The following NOTCH1 variants were observed in gnomAD, a reference collection of about 807,000 sequenced individuals.
NOTCH1 encodes the protein notch receptor 1.
A neutral mutation model predicts 254.8 loss-of-function variants in NOTCH1; 37 were observed. The observed-to-expected ratio is 0.15, with a 90% CI of 0.11 to 0.19. NOTCH1 has a LOEUF of 0.19. Ranked by LOEUF, NOTCH1 falls within the 10% of genes least tolerant of loss-of-function variation. The pLI, the probability that NOTCH1 is intolerant of heterozygous loss-of-function variation, is 1.00. For synonymous variants in NOTCH1, 1,731 were observed against 1,618.1 expected (o/e 1.07, Z -1.68); for missense variants, 2,972 against 3,708.6 (o/e 0.80, Z 5.16).
chr9:136,527,380 T>C (rs6560633), intron 2 of NOTCH1, among the ~76,000 whole-genome samples: 87,392 of 152,176 alleles, frequency 0.57, 26,147 homozygotes, highest in East Asian at 0.84. Flanking sequence ...TCTTCAATGC[T>C]GTCCCGGCGG....
At chr9:136,539,389 G>T (rs1843699708) in intron 2 of NOTCH1, among the ~76,000 whole-genome samples, 1 of 151,900 alleles carries the variant, frequency 6.6e-6, no homozygotes, top group African/African-American at 2.4e-5. Context: ...GGTTTTTTTT[G>T]TTGTTTTTTG....
At position 136,545,650 on chromosome 9, in the gene NOTCH1, G is replaced by T. The variant is rs1843804591; in HGVS notation, c.61+76C>A. 8.0e-7 allele frequency: 1 copy of T among 1,243,638 alleles called. No individual in the cohort carries two copies. The highest frequency in any genetic ancestry group is 1.1e-6 in the Non-Finnish European group (1 of 927,530). The allele number at this position is 1,243,638 out of a possible 1,614,324, so 77.0% of individuals were successfully genotyped here. ...TCCCCGCCGCCCGCTCCCAGCCGTGGGGCGCGCGCGCCGGGCGCCGCCAAA... is the reference window on the plus strand; with the variant it reads ...TCCCCGCCGCCCGCTCCCAGCCGTGTGGCGCGCGCGCCGGGCGCCGCCAAA... On this transcript the variant is annotated intron_variant, in intron 1 of 33. Transcript: ENST00000651671. The surrounding 1 kb of genome is among the most constrained non-coding windows in gnomAD (Gnocchi z 6.8).
intron 30 of NOTCH1, among the ~76,000 whole-genome samples, chr9:136,501,419 G>A (rs2133327789): frequency 6.7e-6 from 1 of 149,288 alleles, no homozygotes; most frequent in Non-Finnish European, 1.5e-5. Context: ...GGGTGACGGA[G>A]CGAGACTCCA....
intron 2 of NOTCH1, among the ~76,000 whole-genome samples, chr9:136,528,532 A>AGGGACGGGCAGGGACAGTTGGT: frequency 6.3e-5 from 1 of 15,946 alleles, no homozygotes; most frequent in Admixed American, 6.6e-4. Context: ...GGGACAGTGG[A>AGGGACGGGCAGGGACAGTTGGT]GGGACGGGCA....
chr9:136,523,049 C>T lies in NOTCH1; in HGVS notation c.543G>A (p.Glu181=). The T allele has an allele frequency of 6.4e-7, 1 of 1,563,536 alleles. No homozygotes were observed. The highest frequency in any genetic ancestry group is 8.7e-7 in the Non-Finnish European group (1 of 1,154,612). ...HGPTCRQDVN[E]CGQKPGLCRH... ...GGCAAAGCCCGGGCTTCTGGCCACA[C>T]TCGTTGACATCCTGCCGGCAGGTGG... The change falls in exon 4 of 34, where the codon GAG becomes GAA. Residue 181 remains glutamate (E), a synonymous_variant. Transcript: ENST00000651671.
At position 136,497,166 on chromosome 9, in the gene NOTCH1, C is replaced by T. The variant is rs758591166; in HGVS notation, c.6573G>A (p.Leu2191=). 3.3e-5 allele frequency: 54 copies of T among 1,612,660 alleles called. No homozygotes were observed. Among genetic ancestry groups the T allele is most frequent in the Non-Finnish European group, 4.0e-5 (47 of 1,179,964 alleles). ...KKSQDGKGCL[L]DSSGMLSPVD... Reference sequence around the variant, plus strand: ...CGGGCGAGAGCATGCCGGAGCTGTCCAGCAGGCAGCCCTTGCCGTCCTGGG... The same window carrying T: ...CGGGCGAGAGCATGCCGGAGCTGTCTAGCAGGCAGCCCTTGCCGTCCTGGG... The change falls in exon 34 of 34, where the codon CTG becomes CTA. Residue 2191 remains leucine, a synonymous_variant. Coordinates refer to ENST00000651671, the MANE Select transcript of NOTCH1 (RefSeq NM_017617.5).
rs900615454 is a variant in NOTCH1 at position 136,506,239 on chromosome 9, C to T, written c.4014+288G>A. ...GTACAGGAAGGGCTGCTGTTGGTAACAATGTATCACTGAAATCCAGAGTGA... is the reference window on the plus strand; with the variant it reads ...GTACAGGAAGGGCTGCTGTTGGTAATAATGTATCACTGAAATCCAGAGTGA... On this transcript the variant is annotated intron_variant, in intron 24 of 33. Coordinates refer to ENST00000651671, the MANE Select transcript of NOTCH1 (RefSeq NM_017617.5). The surrounding 1 kb of genome is among the most constrained non-coding windows in gnomAD (Gnocchi z 4.5). Among the ~76,000 whole-genome samples the T allele has an allele frequency of 4.6e-5, 7 of 152,172 alleles. No homozygotes were observed. Among genetic ancestry groups the T allele is most frequent in the African/African-American group, 7.2e-5 (3 of 41,426 alleles).
In NOTCH1 at chr9:136,508,312, C is replaced by G. The variant is rs758471372; in HGVS notation, c.3245G>C (p.Arg1082Pro). Reference protein sequence around the residue: ...GKCWQTHTQYRCECPSGWTGL... With the variant: ...GKCWQTHTQYPCECPSGWTGL... The stretch of plus-strand genomic sequence containing the variant: ...GGTCCAGCCGCTGGGGCACTCGCAG[C>G]GGTACTGGGTGTGGGTCTGCCAGCA... The change falls in exon 20 of 34, where the codon CGC (arginine) becomes CCC (proline). Residue 1082 changes from arginine (R) to proline (P), a missense_variant. By Grantham distance (103) the Arg-to-Pro change is moderately radical. This residue lies in a region of NOTCH1 where 1,343 missense variants were observed against 1,557.0 expected (regional missense o/e 0.86). Transcript: ENST00000651671. 6.2e-7 allele frequency: 1 copy of G among 1,612,954 alleles called. No homozygotes were observed. The highest frequency in any genetic ancestry group is 8.5e-7 in the Non-Finnish European group (1 of 1,180,006).
At position 136,511,056 on chromosome 9, in the gene NOTCH1, C is replaced by T. The variant is rs536890444; in HGVS notation, c.2587+96G>A. ...GCCTCCTCAGCACCCACCAGCTCCT[C>T]TTCAAAGACTCATCTAGCCTGCCTG... On this transcript the variant is annotated intron_variant, in intron 16 of 33. Coordinates refer to ENST00000651671, the MANE Select transcript of NOTCH1 (RefSeq NM_017617.5). 16 of 1,584,622 alleles carry T rather than the reference C, an allele frequency of 1.0e-5. No homozygotes were observed. In the African/African-American group the frequency reaches 1.7e-4, roughly 17 times the overall value.
At chr9:136,518,110 G>C in intron 7 of NOTCH1, 27 bp downstream of exon 7, 1 of 1,569,836 alleles carries the variant, frequency 6.4e-7, no homozygotes, top group Non-Finnish European at 8.6e-7. Flanking sequence ...ACCCCCACCT[G>C]GCCGCACCCC....
chr9:136,531,643 G>A (rs1034164866), intron 2 of NOTCH1, among the ~76,000 whole-genome samples: 1 of 152,144 alleles, frequency 6.6e-6, no homozygotes, highest in Non-Finnish European at 1.5e-5. Context: ...GGAGGGCACC[G>A]ATGCCCCTTC....
At chr9:136,523,235 G>A (rs367545185) in intron 3 of NOTCH1, 47 bp from the exon 4 acceptor site, 19 of 1,539,696 alleles carry the variant, frequency 1.2e-5, no homozygotes, top group African/African-American at 4.1e-5. Flanking sequence ...ACTGCTCCCC[G>A]AGGCCGGGCC....
At chr9:136,507,831 T>C in intron 21 of NOTCH1, 124 bp downstream of exon 21, 2 of 1,042,176 alleles carry the variant, frequency 1.9e-6, no homozygotes, top group Non-Finnish European at 2.9e-6. Context: ...CCTCCCCTAA[T>C]GAGACTGAAC....
chr9:136,498,798 G>A (rs1842953951), intron 33 of NOTCH1, 101 bp downstream of exon 33: 3 of 1,394,222 alleles, frequency 2.2e-6, no homozygotes, highest in Non-Finnish European at 3.0e-6. Flanking sequence ...TCGAGACCCT[G>A]TGGGTCAGGC....
chr9:136,503,370 C>A (rs774896349), intron 26 of NOTCH1, 40 bp from the exon 27 acceptor site: 11 of 1,611,606 alleles, frequency 6.8e-6, no homozygotes, highest in Middle Eastern at 1.7e-4. Flanking sequence ...CCCGAGGCTT[C>A]CTCCTCCCCC....
At chr9:136,512,936 C>CCA in intron 15 of NOTCH1, 85 bp downstream of exon 15, 1 of 455,000 alleles carries the variant, frequency 2.2e-6, no homozygotes, top group South Asian at 2.2e-5. Flanking sequence ...CCCTCTCCAG[C>CCA]ACAGGCTCCG....
At position 136,517,795 on chromosome 9, in the gene NOTCH1, G is replaced by A. The variant is rs1843300332; in HGVS notation, c.1398C>T (p.Thr466=). 1 of 1,612,744 alleles carries A rather than the reference G, an allele frequency of 6.2e-7. No individual in the cohort carries two copies. The highest frequency in any genetic ancestry group is 8.5e-7 in the Non-Finnish European group (1 of 1,179,946). The change falls in exon 8 of 34, where the codon ACC becomes ACT. Residue 466 remains threonine, a synonymous_variant. Transcript: ENST00000651671. ...CVSNPCQNDA[T]CLDQIGEFQC... The stretch of plus-strand genomic sequence containing the variant: ...GGAACTCCCCAATCTGGTCCAGGCA[G>A]GTGGCGTCGTTCTGGCACGGGTTCG...
In NOTCH1 at chr9:136,504,749, C is replaced by T. The variant is rs776162701; in HGVS notation, c.4942G>A (p.Val1648Met). 1 of 1,547,362 alleles carries T rather than the reference C, an allele frequency of 6.5e-7. No homozygotes were observed. The highest frequency in any genetic ancestry group is 1.2e-5 in the South Asian group (1 of 84,006). The change falls in exon 26 of 34, where the codon GTG becomes ATG. Residue 1648 changes from valine to methionine, a missense_variant. Around this residue, in one of 8 missense-constraint regions of NOTCH1, gnomAD observed 1,343 missense variants for 1,557.0 expected, o/e 0.86. Transcript: ENST00000651671. The part of the protein sequence containing the change: ...WAAPDALLGQ[V>M]KASLLPGGSE... Reference sequence around the variant, plus strand: ...CCACCAGGGAGCAGCGAGGCCTTCACCTGGCCCAGCAGGGCGTCAGGTGCG... The same window carrying T: ...CCACCAGGGAGCAGCGAGGCCTTCATCTGGCCCAGCAGGGCGTCAGGTGCG...
intron 3 of NOTCH1, 127 bp downstream of exon 3, chr9:136,523,590 G>A: frequency 8.0e-7 from 1 of 1,243,822 alleles, no homozygotes. Context: ...GGACCCTGGG[G>A]CAGGGGCTCC....
Sources: allele counts gnomAD v4.1 joint callset (sites outside exome capture counted in the v4.1 genomes callset), GRCh38; gene constraint gnomAD v4.1.1; regional missense constraint gnomAD v4.1.1; non-coding constraint Gnocchi (gnomAD v3.1); transcripts MANE v1.5; gene names NCBI Gene and HGNC (gene_info 2026-07-23, HGNC 2026-07-21).